The following SEMA3D variants were observed in gnomAD, a reference collection of about 807,000 sequenced individuals.
The protein encoded by SEMA3D is semaphorin 3D, also known as semaphorin-3D.
In SEMA3D, 84 loss-of-function variants were observed where a neutral mutation model predicts 100.1. The observed-to-expected ratio is 0.84, with a 90% confidence interval of 0.70 to 1.01. The LOEUF is 1.01. SEMA3D is among the 50% of genes least tolerant of loss of function. The probability of loss-of-function intolerance (pLI) is 0.00; values close to 1 mark genes in which losing one functional copy is unlikely to be tolerated. For synonymous variants in SEMA3D, 312 were observed against 320.7 expected (o/e 0.97, Z 0.29); for missense variants, 875 against 934.1 (o/e 0.94, Z 0.82).
chr7:85,073,164 A>T (rs1791824127), intron 5 of SEMA3D, 83 bp from the exon 6 acceptor site: 1 of 1,220,092 alleles, frequency 8.2e-7, no homozygotes, highest in Admixed American at 2.1e-5. Flanking sequence ...TTTTCCAAGT[A>T]GATCAATCTT....
At chr7:85,206,821 T>C in the SEMA3D span, among the ~76,000 whole-genome samples, 15 of 152,122 alleles carry the variant, frequency 9.9e-5, no homozygotes, top group Admixed American at 5.3e-4. Context: ...TTCAGGCTCA[T>C]TGTTTGATGA....
At position 84,999,607 on chromosome 7, in the gene SEMA3D, G is replaced by T. The variant is rs765154827; in HGVS notation, c.2167C>A (p.Pro723Thr). Residue 723 changes from proline to threonine, a missense_variant, in exon 19 of 19, where the codon CCA becomes ACA. Transcript: ENST00000284136. Reference protein sequence around the residue: ...YKDYIQILSSPNFSLDQYCEQ... With the variant: ...YKDYIQILSSTNFSLDQYCEQ... Reference sequence around the variant, plus strand: ...CAGTACTGGTCGAGGCTGAAGTTTGGGCTGCTAAGGATTTGGATGTAGTCT... The same window carrying T: ...CAGTACTGGTCGAGGCTGAAGTTTGTGCTGCTAAGGATTTGGATGTAGTCT... The T allele has an allele frequency of 2.5e-6, 4 of 1,614,010 alleles. No homozygotes were observed. The highest frequency in any genetic ancestry group is 1.1e-5 in the South Asian group (1 of 91,070).
In SEMA3D at chr7:85,138,742, C is replaced by A. The variant is rs555534318; in HGVS notation, c.-41+14866G>T. On this transcript the variant is annotated intron_variant, in intron 2 of 18. Transcript: ENST00000284136. ...GGTGGGTTACATAGGTATACACGTG[C>A]CATGGTGGTTTGCTGTACCATCAAC... 2.7e-5 allele frequency among the ~76,000 whole-genome samples: 4 copies of A among 150,808 alleles called. No individual in the cohort carries two copies. The East Asian group carries it at 7.8e-4, about 29-fold the overall frequency.
chr7:85,028,104 A>T, intron 12 of SEMA3D: 1 of 629,794 alleles, frequency 1.6e-6, no homozygotes, highest in Admixed American at 2.0e-5. Flanking sequence ...TTGGCCTTTC[A>T]CGGTGGTAAA....
chr7:85,078,738 G>A (rs1050748654), intron 5 of SEMA3D, among the ~76,000 whole-genome samples: 1 of 151,970 alleles, frequency 6.6e-6, no homozygotes, highest in Non-Finnish European at 1.5e-5. Context: ...CTTTCATTAG[G>A]GTAAATAATT....
At chr7:85,206,174 A>T in the SEMA3D span, among the ~76,000 whole-genome samples, 3 of 152,150 alleles carry the variant, frequency 2.0e-5, no homozygotes, top group Non-Finnish European at 4.4e-5. Context: ...CTTATGTAAT[A>T]AACTTTCTCC....
intron 2 of SEMA3D, among the ~76,000 whole-genome samples, chr7:85,122,423 C>A (rs890758166): frequency 4.6e-5 from 7 of 152,120 alleles, no homozygotes; most frequent in Middle Eastern, 3.2e-3. Context: ...AAATGCACCA[C>A]AAGAATTTAA....
At chr7:85,199,807 G>A in the SEMA3D span, among the ~76,000 whole-genome samples, 2 of 151,992 alleles carry the variant, frequency 1.3e-5, no homozygotes, top group Non-Finnish European at 2.9e-5. Context: ...TTCCCACTGA[G>A]TTTGATATGG....
At chr7:85,061,806 G>T (rs947404279) in intron 8 of SEMA3D, among the ~76,000 whole-genome samples, 1 of 152,174 alleles carries the variant, frequency 6.6e-6, no homozygotes, top group Non-Finnish European at 1.5e-5. Context: ...GAAGCATTGT[G>T]CTCTTCTAGC....
chr7:85,202,736 A>T, the SEMA3D span, among the ~76,000 whole-genome samples: 1 of 152,224 alleles, frequency 6.6e-6, no homozygotes, highest in African/African-American at 2.4e-5. Context: ...AAAACACATG[A>T]AAAAATGCTC....
chr7:85,244,980 G>C, the SEMA3D span, among the ~76,000 whole-genome samples: 8 of 152,084 alleles, frequency 5.3e-5, no homozygotes, highest in Admixed American at 1.3e-4. Flanking sequence ...AAAGTGTTGG[G>C]ATTTACAGGC....
At chr7:85,079,809 T>C (rs181638880) in intron 5 of SEMA3D, among the ~76,000 whole-genome samples, 4 of 152,318 alleles carry the variant, frequency 2.6e-5, no homozygotes, top group Admixed American at 2.0e-4. Context: ...GGTTATGCCA[T>C]GCTTATACTG....
chr7:85,108,938 T>C (rs1789010276), intron 3 of SEMA3D, among the ~76,000 whole-genome samples: 1 of 151,718 alleles, frequency 6.6e-6, no homozygotes, highest in African/African-American at 2.4e-5. Context: ...ATGCATTTAC[T>C]TGAAAAAAAA....
intron 2 of SEMA3D, chr7:85,142,068 T>C: frequency 8.1e-6 from 8 of 984,702 alleles, no homozygotes; most frequent in Non-Finnish European, 9.6e-6. Flanking sequence ...ACCAAGTTTC[T>C]GTGAACTATA....
At chr7:85,206,190 A>G in the SEMA3D span, among the ~76,000 whole-genome samples, 2 of 152,238 alleles carry the variant, frequency 1.3e-5, no homozygotes, top group African/African-American at 4.8e-5. Context: ...TCTCCTCATC[A>G]GGTTTAAATT....
chr7:85,215,723 TTAC>T, the SEMA3D span, among the ~76,000 whole-genome samples: 1 of 152,116 alleles, frequency 6.6e-6, no homozygotes, highest in Non-Finnish European at 1.5e-5. Context: ...AATAGTAAAC[TTAC>T]TACATGTAAA....
intron 1 of SEMA3D, among the ~76,000 whole-genome samples, chr7:85,174,846 G>A (rs1791183753): frequency 6.6e-6 from 1 of 152,070 alleles, no homozygotes; most frequent in Admixed American, 6.6e-5. Flanking sequence ...GAGCCCCTTA[G>A]GGAAAGAGCA....
rs1791818289 is a variant in SEMA3D, at chr7:85,072,997, T to C, written c.460A>G (p.Ile154Val). 1.9e-6 allele frequency: 3 copies of C among 1,611,044 alleles called. No individual in the cohort carries two copies. Among genetic ancestry groups the C allele is most frequent in the African/African-American group, 2.7e-5 (2 of 74,834 alleles). ...ACTCCAAGATCAATATACCCACATA[T>C]TGGATGAAATGCTCCAGTTCCACAC... ...YVCGTGAFHPICGYIDLGVYK... is the reference protein window; with the variant it reads ...YVCGTGAFHPVCGYIDLGVYK... Residue 154 changes from isoleucine (I) to valine (V), a missense_variant, in exon 6 of 19, where the codon ATA becomes GTA. By Grantham distance (29) the Ile-to-Val change is conservative. Coordinates refer to ENST00000284136, the MANE Select transcript of SEMA3D (RefSeq NM_001384900.1).
At chr7:85,157,713 G>A (rs1790638306) in intron 1 of SEMA3D, 1 of 861,564 alleles carries the variant, frequency 1.2e-6, no homozygotes, top group Non-Finnish European at 1.4e-6. Context: ...GCTGGGCAGA[G>A]GTGTAGCTCT....
Sources: allele counts gnomAD v4.1 joint callset (sites outside exome capture counted in the v4.1 genomes callset), GRCh38; gene constraint gnomAD v4.1.1; transcripts MANE v1.5; gene names NCBI Gene and HGNC (gene_info 2026-07-23, HGNC 2026-07-21).